Variants in ODAD4 observed in about 807,000 individuals in gnomAD.
ODAD4 encodes outer dynein arm docking complex subunit 4, also known as outer dynein arm-docking complex subunit 4.
Under a neutral mutation model 51.8 loss-of-function variants are expected in ODAD4, and 49 were observed. The observed-to-expected ratio is 0.95, with a 90% CI of 0.75 to 1.20. The LOEUF (loss-of-function observed/expected upper bound fraction) is 1.20, where lower values mean the gene tolerates loss of function less well. Among genes scored for constraint, ODAD4 ranks in the 50% most tolerant of loss-of-function variants. The pLI is 0.00. For missense variants in ODAD4, 590 were observed against 586.5 expected, an observed-to-expected ratio of 1.01 and a Z score of -0.06; for synonymous variants, 235 against 221.3, an observed-to-expected ratio of 1.06 and a Z score of -0.55.
At chr17:41,942,575 G>T (rs937376446) in intron 7 of ODAD4, among the ~76,000 whole-genome samples, 15 of 152,224 alleles carry the variant, frequency 9.9e-5, no homozygotes, top group African/African-American at 3.6e-4. Flanking sequence ...ACAGCAGCAG[G>T]TGCACAGTGT....
At chr17:41,931,677 G>A (rs113164607) in intron 1 of ODAD4, among the ~76,000 whole-genome samples, 11 of 151,774 alleles carry the variant, frequency 7.2e-5, no homozygotes, top group African/African-American at 2.7e-4. Context: ...GAGTAGTTGG[G>A]ATTACAGGCA....
At chr17:41,957,724 C>G (rs2050751987) in intron 10 of ODAD4, among the ~76,000 whole-genome samples, 1 of 152,198 alleles carries the variant, frequency 6.6e-6, no homozygotes, top group Non-Finnish European at 1.5e-5. Context: ...TCCCCAGCCC[C>G]CATCACCTTG....
chr17:41,960,743 G>C lies in ODAD4; in HGVS notation c.1444-639G>C, dbSNP rs557751728. Reference sequence around the variant, plus strand: ...GGAAGGCTCACAGTGGGAGGGAGGTGGGGGGTGGGCAGACCAACACCACAA... The same window carrying C: ...GGAAGGCTCACAGTGGGAGGGAGGTCGGGGGTGGGCAGACCAACACCACAA... On this transcript the variant is annotated intron_variant, in intron 10 of 11. Coordinates refer to ENST00000377540, the MANE Select transcript of ODAD4 (RefSeq NM_031421.5). 5.9e-5 allele frequency among the ~76,000 whole-genome samples: 9 copies of C among 152,306 alleles called. No homozygotes were observed. In the East Asian group the frequency reaches 1.5e-3, roughly 26 times the overall value.
chr17:41,946,976 G>A (rs893901200), intron 8 of ODAD4, among the ~76,000 whole-genome samples: 4 of 151,580 alleles, frequency 2.6e-5, no homozygotes, highest in African/African-American at 9.7e-5. Context: ...TCAGCCTCCT[G>A]AGTAGTGGGG....
intron 1 of ODAD4, 36 bp from the exon 2 acceptor site, chr17:41,935,181 C>T (rs782335391): frequency 3.7e-6 from 6 of 1,612,806 alleles, no homozygotes; most frequent in Non-Finnish European, 5.1e-6. Context: ...CCTTGCTCTT[C>T]ATGCTGGCTG....
At chr17:41,946,481 C>T (rs577390383) in intron 8 of ODAD4, among the ~76,000 whole-genome samples, 72 of 152,210 alleles carry the variant, frequency 4.7e-4, no homozygotes, top group African/African-American at 1.5e-3. Flanking sequence ...CCCGCCACCA[C>T]GCCCAGCTAA....
Position 41,965,236 on chromosome 17 carries a change from C to G in ODAD4, c.1772C>G (p.Thr591Arg), listed in dbSNP as rs1555642429. Residue 591 changes from threonine (T) to arginine (R), a missense_variant, in exon 12 of 12, where the codon ACA (threonine) becomes AGA (arginine). By Grantham distance (71) the Thr-to-Arg change is moderately conservative. Transcript: ENST00000377540. The part of the protein sequence containing the change: ...VAKGLSGELG[T>R]RSGETGRKLL... Reference sequence around the variant, plus strand: ...AAGGGCCTGTCAGGAGAATTAGGCACAAGATCAGGAGAAACAGGCAGGAAG... The same window carrying G: ...AAGGGCCTGTCAGGAGAATTAGGCAGAAGATCAGGAGAAACAGGCAGGAAG... The G allele has an allele frequency of 1.3e-6, 1 of 776,372 alleles. No homozygotes were observed. Among genetic ancestry groups the G allele is most frequent in the Admixed American group, 1.7e-5 (1 of 58,076 alleles). 48.1% of individuals were successfully genotyped at this position (776,372 alleles called of 1,614,324 possible).
intron 11 of ODAD4, 25 bp from the exon 12 acceptor site, chr17:41,964,968 T>C (rs1030328441): frequency 8.8e-6 from 6 of 681,552 alleles, no homozygotes; most frequent in Non-Finnish European, 1.6e-5. Context: ...TTTATCTTTC[T>C]TCCCGCTTTT....
intron 10 of ODAD4, among the ~76,000 whole-genome samples, chr17:41,960,922 C>T (rs782609419): frequency 1.5e-4 from 23 of 152,186 alleles, no homozygotes; most frequent in Non-Finnish European, 3.1e-4. Flanking sequence ...ATCATGCACT[C>T]GAGTTGGGGA....
chr17:41,954,278 C>T (rs545816300), intron 9 of ODAD4, among the ~76,000 whole-genome samples: 3 of 152,196 alleles, frequency 2.0e-5, no homozygotes, highest in African/African-American at 4.8e-5. Flanking sequence ...TGAGCCACCA[C>T]GCCCGGCCTG....
Position 41,965,385 on chromosome 17 carries a change from G to T in ODAD4, c.1921G>T (p.Val641Leu). 3.8e-6 allele frequency: 3 copies of T among 780,692 alleles called. No homozygotes were observed. The highest frequency in any genetic ancestry group is 7.2e-6 in the Non-Finnish European group (3 of 417,976). 48.4% of individuals were successfully genotyped at this position (780,692 alleles called of 1,614,324 possible). A position where few individuals can be genotyped will look rare whatever the true frequency, so the allele number is the denominator to read the frequency against. ...AGAAGAACTAAAGAAACTTTCAGAA[G>T]TGGGCAGAAGAGAGCCAGAAGAACT... ...EPEELKKLSE[V>L]GRREPEELGK... The change falls in exon 12 of 12, where the codon GTG becomes TTG. Residue 641 changes from valine (V) to leucine (L), a missense_variant. Physicochemically the swap from Val to Leu is conservative, Grantham distance 32. Transcript: ENST00000377540.
chr17:41,963,900 CTT>C (rs1235561081), intron 11 of ODAD4, among the ~76,000 whole-genome samples: 27 of 121,008 alleles, frequency 2.2e-4, no homozygotes, highest in Non-Finnish European at 3.0e-4. Context: ...GCCACTGTGC[CTT>C]TTTTTTTTTT....
chr17:41,962,477 A>G (rs2144544977), intron 11 of ODAD4, among the ~76,000 whole-genome samples: 1 of 152,194 alleles, frequency 6.6e-6, no homozygotes, highest in East Asian at 1.9e-4. Flanking sequence ...CCCACTGGAG[A>G]GGGGCCTAGA....
At chr17:41,958,624 G>T (rs2050763910) in intron 10 of ODAD4, among the ~76,000 whole-genome samples, 1 of 142,212 alleles carries the variant, frequency 7.0e-6, no homozygotes, top group Admixed American at 7.3e-5. Flanking sequence ...TCATGCCATT[G>T]CACTCCAGCC....
chr17:41,957,888 G>GC (rs2050754310), intron 10 of ODAD4, among the ~76,000 whole-genome samples: 1 of 152,114 alleles, frequency 6.6e-6, no homozygotes, highest in African/African-American at 2.4e-5. Context: ...GGGCTCAAGA[G>GC]ATAAGTATCT....
At chr17:41,941,627 T>C (rs1033371042) in intron 7 of ODAD4, among the ~76,000 whole-genome samples, 1 of 151,816 alleles carries the variant, frequency 6.6e-6, no homozygotes, top group South Asian at 2.1e-4. Flanking sequence ...TAGCCGGGCG[T>C]AGTGTTAGCC....
At chr17:41,934,171 A>G (rs2050392664) in intron 1 of ODAD4, among the ~76,000 whole-genome samples, 3 of 147,222 alleles carry the variant, frequency 2.0e-5, no homozygotes, top group Admixed American at 1.4e-4. Context: ...ACTCCCGAGT[A>G]GCTGGGATTA....
chr17:41,931,162 T>TG (rs1408381580), intron 1 of ODAD4, among the ~76,000 whole-genome samples: 6 of 152,124 alleles, frequency 3.9e-5, no homozygotes, highest in African/African-American at 1.2e-4. Context: ...CCCAAAGTGC[T>TG]GGGATTACAG....
intron 7 of ODAD4, among the ~76,000 whole-genome samples, chr17:41,944,434 A>ACCCCC (rs2050554788): frequency 2.5e-4 from 2 of 7,948 alleles, no homozygotes. Context: ...ACACACACAC[A>ACCCCC]CACACACACA....
Sources: gnomAD v4.1 joint callset for allele counts (sites outside exome capture counted in the v4.1 genomes callset) on GRCh38, gnomAD v4.1.1 for gene constraint, MANE v1.5 for transcripts, NCBI Gene and HGNC (gene_info 2026-07-23, HGNC 2026-07-21) for gene names.